PRKRA: variants seen among roughly 807,000 people sequenced by gnomAD.
PRKRA encodes the protein interferon-inducible double-stranded RNA-dependent protein kinase activator A.
PRKRA carries 22 observed loss-of-function variants against 32.4 expected under a neutral mutation model. The observed-to-expected ratio is 0.68, with a 90% confidence interval of 0.49 to 0.97. PRKRA has a LOEUF of 0.97. Ranked by LOEUF, PRKRA falls within the 50% of genes least tolerant of loss-of-function variation. The pLI, the probability that PRKRA is intolerant of heterozygous loss-of-function variation, is 0.00. For missense variants in PRKRA, 319 were observed against 375.6 expected, an observed-to-expected ratio of 0.85 and a Z score of 1.25; for synonymous variants, 139 against 129.8, an observed-to-expected ratio of 1.07 and a Z score of -0.48.
rs1397010558 is a variant in PRKRA, at chr2:178,450,723, G to A, written c.65+243C>T. The A allele has an allele frequency of 1.6e-5, 22 of 1,375,986 alleles. No individual in the cohort carries two copies. In the South Asian group the frequency reaches 2.9e-4, roughly 18 times the overall value. The allele number at this position is 1,375,986 out of a possible 1,614,324, so 85.2% of individuals were successfully genotyped here. On this transcript the variant is annotated intron_variant, in intron 1 of 7. Coordinates refer to ENST00000325748, the MANE Select transcript of PRKRA (RefSeq NM_003690.5). ...GGAAAACCTGACGATCCCTTCCCGG[G>A]CGCGCCGACCGAGCGTCACCTCCGC...
intron 7 of PRKRA, among the ~76,000 whole-genome samples, chr2:178,434,421 T>G (rs1696803880): frequency 6.6e-6 from 1 of 151,290 alleles, no homozygotes; most frequent in African/African-American, 2.4e-5. Flanking sequence ...TCCAGCCTCT[T>G]TTCTTTTTTT....
At chr2:178,439,565 C>T (rs1231006298) in intron 6 of PRKRA, 1 of 152,118 alleles carries the variant, frequency 6.6e-6, no homozygotes, top group African/African-American at 2.4e-5. Context: ...ACCATTTTAT[C>T]TCCTCTTATT....
At chr2:178,441,791 C>G (rs2154125054) in intron 5 of PRKRA, 87 bp from the exon 6 acceptor site, 1 of 831,152 alleles carries the variant, frequency 1.2e-6, no homozygotes, top group Non-Finnish European at 1.8e-6. Context: ...TGTGTTTAAT[C>G]AGAGAACCTC....
At chr2:178,436,562 A>G (rs1321591063) in intron 6 of PRKRA, among the ~76,000 whole-genome samples, 4 of 152,214 alleles carry the variant, frequency 2.6e-5, no homozygotes, top group African/African-American at 9.6e-5. Context: ...TGTATTTTGT[A>G]TAGTACAAAT....
chr2:178,450,114 G>A, intron 2 of PRKRA, 128 bp downstream of exon 2: 1 of 1,176,494 alleles, frequency 8.5e-7, no homozygotes, highest in Admixed American at 1.7e-5. Context: ...CCTGAGATGA[G>A]AGGTCTCAGT....
At chr2:178,434,740 T>C (rs1303221172) in intron 7 of PRKRA, among the ~76,000 whole-genome samples, 1 of 152,130 alleles carries the variant, frequency 6.6e-6, no homozygotes, top group African/African-American at 2.4e-5. Flanking sequence ...GTGCCCTACT[T>C]TCCCAGGGTC....
intron 6 of PRKRA, chr2:178,439,072 G>A (rs1459354637): frequency 1.3e-5 from 2 of 152,050 alleles, no homozygotes; most frequent in Non-Finnish European, 2.9e-5. Context: ...TTTTCCTCAC[G>A]TGGTCCTACG....
At position 178,450,016 on chromosome 2, in the gene PRKRA, G is replaced by A. The variant is rs986097736; in HGVS notation, c.235+226C>T. 6 of 620,978 alleles carry A rather than the reference G, an allele frequency of 9.7e-6. No homozygotes were observed. In the African/African-American group the frequency reaches 1.1e-4, roughly 11 times the overall value. The allele number at this position is 620,978 out of a possible 1,614,324, so 38.5% of individuals were successfully genotyped here. A position where few individuals can be genotyped will look rare whatever the true frequency, so the allele number is the denominator to read the frequency against. Reference sequence around the variant, plus strand: ...CCATGCAGGATCCAGCCATCCGGCTGGGTAACTTTTTAGTTTCTAAGCTTC... The same window carrying A: ...CCATGCAGGATCCAGCCATCCGGCTAGGTAACTTTTTAGTTTCTAAGCTTC... On this transcript the variant is annotated intron_variant, in intron 2 of 7. Transcript: ENST00000325748.
chr2:178,436,337 A>C lies in PRKRA; in HGVS notation c.610-18T>G, dbSNP rs1696896280. On this transcript the variant is annotated intron_variant, in intron 6 of 7. Coordinates refer to ENST00000325748, the MANE Select transcript of PRKRA (RefSeq NM_003690.5). ...ACATTTGTCTGAAAAACAGAGATGA[A>C]GATTTAGACTCTTGACTAGGACTGG... The C allele has an allele frequency of 1.3e-6, 1 of 794,638 alleles. No homozygotes were observed. The highest frequency in any genetic ancestry group is 1.8e-6 in the Non-Finnish European group (1 of 552,454). The allele number at this position is 794,638 out of a possible 1,614,324, so 49.2% of individuals were successfully genotyped here.
chr2:178,437,448 T>C (rs1696945136), intron 6 of PRKRA, among the ~76,000 whole-genome samples: 2 of 152,222 alleles, frequency 1.3e-5, no homozygotes, highest in Admixed American at 1.3e-4. Flanking sequence ...CATTTTTCTT[T>C]TATCAGTGCA....
chr2:178,441,633 A>T lies in PRKRA; in HGVS notation c.586T>A (p.Ser196Thr). 3.1e-6 allele frequency: 5 copies of T among 1,606,204 alleles called. No individual in the cohort carries two copies. Among genetic ancestry groups the T allele is most frequent in the Non-Finnish European group, 4.3e-6 (5 of 1,172,990 alleles). The change falls in exon 6 of 8, where the codon TCT becomes ACT. Residue 196 changes from serine to threonine, a missense_variant. Coordinates refer to ENST00000325748, the MANE Select transcript of PRKRA (RefSeq NM_003690.5). ...EKFLAKFSNI[S>T]PENHISLTNV... The stretch of plus-strand genomic sequence containing the variant: ...ACTAAAGAAATGTGGTTCTCTGGAG[A>T]AATATTACTAAATTTGGCAAGAAAT...
intron 1 of PRKRA, chr2:178,450,703 A>C: frequency 7.2e-7 from 1 of 1,393,218 alleles, no homozygotes; most frequent in Admixed American, 3.1e-5. Flanking sequence ...CTCAGGGAAA[A>C]CCTGACGATC....
At chr2:178,435,756 A>T (rs952085656) in intron 7 of PRKRA, among the ~76,000 whole-genome samples, 1 of 152,214 alleles carries the variant, frequency 6.6e-6, no homozygotes, top group African/African-American at 2.4e-5. Flanking sequence ...CTGACTAGCT[A>T]TGTGATCTTG....
rs192401083 is a variant in PRKRA at position 178,446,306 on chromosome 2, C to T, written c.317+1199G>A. Among the ~76,000 whole-genome samples, 230 of 152,268 alleles carry T rather than the reference C, an allele frequency of 1.5e-3. 1 individual carries two copies. Among genetic ancestry groups the T allele is most frequent in the Non-Finnish European group, 2.2e-3 (147 of 68,010 alleles). ...CTGGGATTACAGGCGTGAGCCACCC[C>T]GCCCAGCCTGGCATAGATCAATTAT... is the stretch of plus-strand genomic sequence containing the variant. On this transcript the variant is annotated intron_variant, in intron 3 of 7. Transcript: ENST00000325748.
intron 3 of PRKRA, among the ~76,000 whole-genome samples, chr2:178,445,092 TATC>T (rs1240933896): frequency 6.6e-6 from 1 of 152,378 alleles, no homozygotes; most frequent in East Asian, 1.9e-4. Context: ...CTGTTTGATC[TATC>T]ATCTGCTCAG....
chr2:178,449,648 C>A (rs1394079751), intron 2 of PRKRA, among the ~76,000 whole-genome samples: 1 of 152,242 alleles, frequency 6.6e-6, no homozygotes, highest in African/African-American at 2.4e-5. Context: ...TACTTATAAT[C>A]TCTCTGAACC....
intron 5 of PRKRA, among the ~76,000 whole-genome samples, chr2:178,442,227 A>C (rs1298685769): frequency 3.9e-5 from 6 of 152,112 alleles, no homozygotes; most frequent in Non-Finnish European, 8.8e-5. Flanking sequence ...CATTTGTTTT[A>C]AGTTTTTCTT....
At chr2:178,444,271 T>G (rs956612130) in intron 4 of PRKRA, 151 bp downstream of exon 4, 84 of 683,670 alleles carry the variant, frequency 1.2e-4, no homozygotes, top group Non-Finnish European at 2.0e-4. Flanking sequence ...GAAAATAATT[T>G]CAAGTTAGCT....
intron 2 of PRKRA, among the ~76,000 whole-genome samples, chr2:178,448,437 C>T (rs1286035391): frequency 6.6e-5 from 10 of 152,124 alleles, no homozygotes; most frequent in Non-Finnish European, 1.5e-4. Context: ...CAAGAGCCAA[C>T]AGAGTAGTGT....
Sources: gnomAD v4.1 joint callset for allele counts (sites outside exome capture counted in the v4.1 genomes callset) on GRCh38, gnomAD v4.1.1 for gene constraint, MANE v1.5 for transcripts, NCBI Gene and HGNC (gene_info 2026-07-23, HGNC 2026-07-21) for gene names.